Variants in PTPRN2 observed in about 807,000 individuals in gnomAD.
PTPRN2 encodes receptor-type tyrosine-protein phosphatase N2.
PTPRN2 carries 74 observed loss-of-function variants against 118.8 expected under a neutral mutation model. The ratio of observed to expected loss-of-function variants is 0.62; its 90% CI spans 0.52 to 0.76. The LOEUF is 0.76. Among genes scored for constraint, PTPRN2 ranks in the 30% least tolerant of loss-of-function variants. The pLI, the probability that PTPRN2 is intolerant of heterozygous loss-of-function variation, is 0.00. For missense variants in PTPRN2, 1,481 were observed against 1,394.4 expected, an observed-to-expected ratio of 1.06 and a Z score of -0.99; for synonymous variants, 641 against 608.0, an observed-to-expected ratio of 1.05 and a Z score of -0.80.
chr7:157,784,564 TC>T lies in PTPRN2; in HGVS notation c.1789-101628del, dbSNP rs541419702. 2.0e-5 allele frequency among the ~76,000 whole-genome samples: 3 copies of T among 152,016 alleles called. No homozygotes were observed. Among genetic ancestry groups the T allele is most frequent in the Admixed American group, 2.0e-4 (3 of 15,278 alleles). ...TATCCCGCTCGGCCTGACCCTCCTC[TC>T]CACAAAGGGCTTGAAGAGCAACTGA... On this transcript the variant is annotated intron_variant, in intron 12 of 22. Coordinates refer to ENST00000389418, the MANE Select transcript of PTPRN2 (RefSeq NM_002847.5). The surrounding 1 kb of genome is among the most constrained non-coding windows in gnomAD (Gnocchi z 4.6).
chr7:157,883,768 C>T (rs1398109266), intron 12 of PTPRN2, among the ~76,000 whole-genome samples: 2 of 145,860 alleles, frequency 1.4e-5, no homozygotes, highest in African/African-American at 2.7e-5. Flanking sequence ...TGTCAGAGAT[C>T]GGAACGCACC....
chr7:157,576,572 G>C, intron 19 of PTPRN2, 41 bp downstream of exon 19: 1 of 1,558,990 alleles, frequency 6.4e-7, no homozygotes, highest in Non-Finnish European at 8.7e-7. Context: ...TGTGCCGCGC[G>C]CTCAGCGCGC....
chr7:158,326,920 C>T (rs1182416691), intron 2 of PTPRN2, among the ~76,000 whole-genome samples: 7 of 151,614 alleles, frequency 4.6e-5, no homozygotes, highest in South Asian at 4.2e-4. Context: ...CATGCTCACA[C>T]GTTCTCACAT....
At chr7:158,278,337 T>A (rs2150990601) in intron 3 of PTPRN2, among the ~76,000 whole-genome samples, 1 of 115,466 alleles carries the variant, frequency 8.7e-6, no homozygotes, top group South Asian at 4.0e-4. Flanking sequence ...ACCCCGTCTC[T>A]ACTAAAATAC....
chr7:158,226,855 C>T (rs952682594), intron 3 of PTPRN2, among the ~76,000 whole-genome samples: 2 of 152,116 alleles, frequency 1.3e-5, no homozygotes, highest in African/African-American at 4.8e-5. Flanking sequence ...CTGGCTGCAA[C>T]ACCCTAAAAC....
chr7:158,341,362 A>ACCCACACTCTCACCATAAGAGGTGACACC (rs1563177337), intron 2 of PTPRN2, among the ~76,000 whole-genome samples: 2 of 108,222 alleles, frequency 1.8e-5, no homozygotes, highest in Non-Finnish European at 4.0e-5. Flanking sequence ...GAGGTAACAC[A>ACCCACACTCTCACCATAAGAGGTGACACC]TGCAGACGTC....
intron 11 of PTPRN2, 55 bp downstream of exon 11, chr7:158,081,243 T>TGCACACAC: frequency 6.9e-7 from 1 of 1,448,486 alleles, no homozygotes; most frequent in Admixed American, 1.7e-5. Context: ...TTTGCGTGCG[T>TGCACACAC]GTGTGTGTGC....
chr7:157,599,230 G>A (rs1404323423), intron 16 of PTPRN2, among the ~76,000 whole-genome samples: 5 of 152,112 alleles, frequency 3.3e-5, no homozygotes, highest in African/African-American at 4.8e-5. Flanking sequence ...GGCTGGTCTC[G>A]AACTCCTGAC....
chr7:157,997,054 C>T (rs1174927100), intron 11 of PTPRN2, among the ~76,000 whole-genome samples: 3 of 152,206 alleles, frequency 2.0e-5, no homozygotes, highest in Admixed American at 6.5e-5. Context: ...GAGGCCGGCA[C>T]GGGGGCCCAG....
intron 2 of PTPRN2, among the ~76,000 whole-genome samples, chr7:158,398,658 G>T (rs779265428): frequency 6.6e-6 from 1 of 152,096 alleles, no homozygotes; most frequent in Non-Finnish European, 1.5e-5. Flanking sequence ...TTCCCCACCC[G>T]CATTTCTACT....
chr7:158,089,583 GA>G (rs1241536069), intron 10 of PTPRN2, among the ~76,000 whole-genome samples: 4 of 119,602 alleles, frequency 3.3e-5, no homozygotes, highest in Admixed American at 8.1e-5. Context: ...ATGAAAGAGG[GA>G]GTCTTCACAC....
At chr7:157,914,071 A>G (rs1370999754) in intron 11 of PTPRN2, among the ~76,000 whole-genome samples, 1 of 152,084 alleles carries the variant, frequency 6.6e-6, no homozygotes, top group Non-Finnish European at 1.5e-5. Context: ...GTTCATGATG[A>G]CCCCTTGTTA....
chr7:158,181,537 A>G (rs1487361142), intron 5 of PTPRN2, among the ~76,000 whole-genome samples: 2 of 152,180 alleles, frequency 1.3e-5, no homozygotes, highest in Admixed American at 6.5e-5. Context: ...AGTGTCTGGT[A>G]TAATTCAGCT....
At chr7:158,510,402 G>T (rs1434731071) in intron 1 of PTPRN2, among the ~76,000 whole-genome samples, 2 of 150,948 alleles carry the variant, frequency 1.3e-5, no homozygotes, top group South Asian at 2.1e-4. Context: ...TCTCAAATTC[G>T]CACCCCACAA....
At chr7:157,939,129 G>C (rs1253834408) in intron 11 of PTPRN2, among the ~76,000 whole-genome samples, 1 of 152,036 alleles carries the variant, frequency 6.6e-6, no homozygotes, top group Admixed American at 6.5e-5. Flanking sequence ...ATACAGTAAA[G>C]CAAAGCACGC....
chr7:158,471,350 G>C lies in PTPRN2; in HGVS notation c.163+18385C>G, dbSNP rs530041735. The stretch of plus-strand genomic sequence containing the variant: ...GGTCTCACCCACACACAGCACTGCT[G>C]GTCTCCAGTCTCTGGGATTTCTTCT... On this transcript the variant is annotated intron_variant, in intron 2 of 22. Coordinates refer to ENST00000389418, the MANE Select transcript of PTPRN2 (RefSeq NM_002847.5). Among the ~76,000 whole-genome samples, 3 of 151,942 alleles carry C rather than the reference G, an allele frequency of 2.0e-5. No homozygotes were observed. In the South Asian group the frequency reaches 6.2e-4, roughly 32 times the overall value.
At chr7:157,812,505 G>A (rs967449439) in intron 12 of PTPRN2, among the ~76,000 whole-genome samples, 2 of 152,164 alleles carry the variant, frequency 1.3e-5, no homozygotes, top group Non-Finnish European at 2.9e-5. Context: ...AACACTCCCT[G>A]TGCATAGGGT....
At chr7:157,952,509 G>A (rs1430231793) in intron 11 of PTPRN2, among the ~76,000 whole-genome samples, 1 of 151,732 alleles carries the variant, frequency 6.6e-6, no homozygotes. Context: ...GGGAGACGCT[G>A]ACTCCGTGGT....
chr7:157,771,840 A>G (rs918954077), intron 12 of PTPRN2, among the ~76,000 whole-genome samples: 1 of 150,178 alleles, frequency 6.7e-6, no homozygotes, highest in Non-Finnish European at 1.5e-5. Flanking sequence ...CACAGACACA[A>G]GACACAAACA....
Sources: gnomAD v4.1 joint callset for allele counts (sites outside exome capture counted in the v4.1 genomes callset) on GRCh38, gnomAD v4.1.1 for gene constraint, Gnocchi (gnomAD v3.1) non-coding constraint, MANE v1.5 for transcripts, NCBI Gene and HGNC (gene_info 2026-07-23, HGNC 2026-07-21) for gene names.